PDE4B: variants seen among roughly 807,000 people sequenced by gnomAD.
PDE4B encodes the protein 3',5'-cyclic-AMP phosphodiesterase 4B.
Under a neutral mutation model 82.2 loss-of-function variants are expected in PDE4B, and 20 were observed. The ratio of observed to expected loss-of-function variants is 0.24; its 90% CI spans 0.17 to 0.35. The LOEUF (loss-of-function observed/expected upper bound fraction) is 0.35, where lower values mean the gene tolerates loss of function less well. Among genes scored for constraint, PDE4B ranks in the 10% least tolerant of loss-of-function variants. The pLI, the probability that PDE4B is intolerant of heterozygous loss-of-function variation, is 1.00. For synonymous variants in PDE4B, 320 were observed against 318.9 expected, an observed-to-expected ratio of 1.00 and a Z score of -0.04; for missense variants, 655 against 907.2, an observed-to-expected ratio of 0.72 and a Z score of 3.57.
intron 3 of PDE4B, among the ~76,000 whole-genome samples, chr1:66,186,422 G>C (rs1482228137): frequency 1.3e-5 from 2 of 152,124 alleles, no homozygotes; most frequent in African/African-American, 4.8e-5. Flanking sequence ...AAATCACCTT[G>C]GGCAGTATGG....
intron 3 of PDE4B, among the ~76,000 whole-genome samples, chr1:66,146,323 A>G (rs1022918923): frequency 2.0e-5 from 3 of 151,846 alleles, no homozygotes; most frequent in African/African-American, 7.3e-5. Context: ...AGCTGGGACT[A>G]CAGGCGCCGG....
At chr1:65,972,115 A>G (rs1006665871) in intron 3 of PDE4B, among the ~76,000 whole-genome samples, 4 of 152,180 alleles carry the variant, frequency 2.6e-5, no homozygotes, top group Non-Finnish European at 4.4e-5. Context: ...ATTGGATTTT[A>G]TGTTTATTTT....
intron 1 of PDE4B, among the ~76,000 whole-genome samples, chr1:65,831,508 A>G (rs1270315882): frequency 6.6e-6 from 1 of 152,188 alleles, no homozygotes; most frequent in Non-Finnish European, 1.5e-5. Flanking sequence ...TTCTATGGCT[A>G]TTAAGTAAAT....
intron 3 of PDE4B, among the ~76,000 whole-genome samples, chr1:66,035,081 C>A (rs141888027): frequency 6.6e-6 from 1 of 152,222 alleles, no homozygotes; most frequent in Non-Finnish European, 1.5e-5. Context: ...TACTTATCTG[C>A]AATCCATTAC....
At chr1:66,331,967 A>G (rs968619710) in intron 7 of PDE4B, 2 of 1,012,754 alleles carry the variant, frequency 2.0e-6, no homozygotes, top group Non-Finnish European at 2.4e-6. Flanking sequence ...CACAATCCTC[A>G]GGATGAATGA....
chr1:65,977,990 C>A (rs1372114807), intron 3 of PDE4B, among the ~76,000 whole-genome samples: 2 of 151,542 alleles, frequency 1.3e-5, no homozygotes, highest in Non-Finnish European at 2.9e-5. Flanking sequence ...GTTGTAAATG[C>A]AGCACCATTT....
chr1:65,817,946 A>G (rs1266428991), intron 1 of PDE4B, among the ~76,000 whole-genome samples: 1 of 152,172 alleles, frequency 6.6e-6, no homozygotes, highest in Non-Finnish European at 1.5e-5. Flanking sequence ...CTTCAGATAA[A>G]CTTGTAAAAT....
intron 3 of PDE4B, among the ~76,000 whole-genome samples, chr1:66,073,582 T>C (rs1656271716): frequency 1.3e-5 from 2 of 152,066 alleles, no homozygotes; most frequent in South Asian, 4.1e-4. Flanking sequence ...TGGCATGTGG[T>C]GATGCAACTG....
At chr1:66,076,888 AT>A (rs1259784106) in intron 3 of PDE4B, among the ~76,000 whole-genome samples, 1 of 151,012 alleles carries the variant, frequency 6.6e-6, no homozygotes, top group Non-Finnish European at 1.5e-5. Flanking sequence ...ATTTGTTTAA[AT>A]TTTTTTTATA....
rs762284749 is a variant in PDE4B at position 66,257,811 on chromosome 1, A to G, written c.532A>G (p.Ser178Gly). ...PFAQVLASLR[S>G]VRNNFTILTN... ...CTTCTAGGTCCTTGCCAGCTTGCGA[A>G]GTGTGAGAAACAACTTCACTATACT... The change falls in exon 6 of 17, where the codon AGT becomes GGT. Residue 178 changes from serine to glycine, a missense_variant. Physicochemically the swap from Ser to Gly is moderately conservative, Grantham distance 56. This residue lies in a region of PDE4B where 253 missense variants were observed against 275.6 expected (regional missense o/e 0.92). Coordinates refer to ENST00000341517, the MANE Select transcript of PDE4B (RefSeq NM_002600.4). 2 of 1,613,426 alleles carry G rather than the reference A, an allele frequency of 1.2e-6. No homozygotes were observed. Among genetic ancestry groups the G allele is most frequent in the Non-Finnish European group, 1.7e-6 (2 of 1,179,452 alleles).
At chr1:66,066,130 G>A (rs919921296) in intron 3 of PDE4B, among the ~76,000 whole-genome samples, 5 of 151,340 alleles carry the variant, frequency 3.3e-5, no homozygotes, top group African/African-American at 9.7e-5. Context: ...ATATGTATTT[G>A]TATATTTAAA....
At chr1:66,067,085 T>G (rs907357992) in intron 3 of PDE4B, among the ~76,000 whole-genome samples, 1 of 152,074 alleles carries the variant, frequency 6.6e-6, no homozygotes, top group African/African-American at 2.4e-5. Context: ...ATCCAGTCTA[T>G]CATTTATGGA....
At chr1:66,124,862 T>C (rs145051466) in intron 3 of PDE4B, among the ~76,000 whole-genome samples, 11 of 152,136 alleles carry the variant, frequency 7.2e-5, no homozygotes, top group African/African-American at 2.4e-4. Context: ...ATATGCTCCT[T>C]AAGTGAATTG....
intron 7 of PDE4B, among the ~76,000 whole-genome samples, chr1:66,268,492 A>AC (rs1368185997): frequency 1.3e-5 from 2 of 151,908 alleles, no homozygotes; most frequent in Non-Finnish European, 2.9e-5. Flanking sequence ...ATATGGTGAA[A>AC]CCCCATCTCT....
At chr1:66,257,417 T>C (rs1557663124) in intron 4 of PDE4B, 1 of 734,244 alleles carries the variant, frequency 1.4e-6, no homozygotes, top group African/African-American at 1.7e-5. Flanking sequence ...CAAATGCTTT[T>C]ATGTGTAGTC....
intron 1 of PDE4B, among the ~76,000 whole-genome samples, chr1:65,820,366 G>T (rs536745356): frequency 6.6e-6 from 1 of 152,188 alleles, no homozygotes; most frequent in Admixed American, 6.5e-5. Flanking sequence ...AATATTGTAG[G>T]TTAGATAGGC....
chr1:66,103,213 G>T (rs1022482883), intron 3 of PDE4B, among the ~76,000 whole-genome samples: 1 of 152,092 alleles, frequency 6.6e-6, no homozygotes, highest in South Asian at 2.1e-4. Context: ...CTATTGTTGA[G>T]CATTGTGGGG....
intron 3 of PDE4B, among the ~76,000 whole-genome samples, chr1:66,245,752 A>T (rs953131898): frequency 2.0e-5 from 3 of 152,220 alleles, no homozygotes; most frequent in African/African-American, 7.2e-5. Context: ...TTGGATTGTT[A>T]TAGCTTTTCT....
chr1:66,288,155 T>C (rs1030694396), intron 7 of PDE4B, among the ~76,000 whole-genome samples: 1 of 151,166 alleles, frequency 6.6e-6, no homozygotes, highest in Non-Finnish European at 1.5e-5. Flanking sequence ...AACTTAACAG[T>C]CATGGCAGAA....
Sources: gnomAD v4.1 joint callset for allele counts (sites outside exome capture counted in the v4.1 genomes callset) on GRCh38, gnomAD v4.1.1 for gene constraint, gnomAD v4.1.1 regional missense constraint, MANE v1.5 for transcripts, NCBI Gene and HGNC (gene_info 2026-07-23, HGNC 2026-07-21) for gene names.